ESD: variants seen among roughly 807,000 people sequenced by gnomAD.
ESD encodes esterase D, also known as S-formylglutathione hydrolase.
A neutral mutation model predicts 38.1 loss-of-function variants in ESD; 34 were observed. The ratio of observed to expected loss-of-function variants is 0.89; its 90% CI spans 0.68 to 1.19. The LOEUF (loss-of-function observed/expected upper bound fraction) is 1.19. Among genes scored for constraint, ESD ranks in the 50% most tolerant of loss-of-function variants. The probability of loss-of-function intolerance (pLI) is 0.00; values close to 1 mark genes in which losing one functional copy is unlikely to be tolerated. For synonymous variants in ESD, 97 were observed against 107.0 expected, an observed-to-expected ratio of 0.91 and a Z score of 0.58; for missense variants, 334 against 327.2, an observed-to-expected ratio of 1.02 and a Z score of -0.16.
At chr13:46,779,206 A>C (rs1331480504) in intron 8 of ESD, among the ~76,000 whole-genome samples, 1 of 151,730 alleles carries the variant, frequency 6.6e-6, no homozygotes. Context: ...TATTCACATA[A>C]ATGTACATAA....
chr13:46,796,287 T>C (rs1875572691), intron 1 of ESD, among the ~76,000 whole-genome samples: 1 of 152,202 alleles, frequency 6.6e-6, no homozygotes. Context: ...TATTACTACA[T>C]GACACTGGGC....
chr13:46,775,343 A>G (rs1397834532), intron 9 of ESD: 1 of 182,654 alleles, frequency 5.5e-6, no homozygotes, highest in Non-Finnish European at 1.2e-5. Flanking sequence ...TAACACCATT[A>G]AAAAGAGGTA....
chr13:46,783,059 T>C (rs1875065845), intron 5 of ESD, among the ~76,000 whole-genome samples: 1 of 151,946 alleles, frequency 6.6e-6, no homozygotes, highest in Non-Finnish European at 1.5e-5. Context: ...ACACTAACTT[T>C]CTTTGTTGAT....
chr13:46,791,132 G>T (rs1875381500), intron 3 of ESD, among the ~76,000 whole-genome samples: 1 of 152,120 alleles, frequency 6.6e-6, no homozygotes, highest in Non-Finnish European at 1.5e-5. Context: ...GTCAAAGCTT[G>T]AAGATACTTC....
chr13:46,780,015 G>A lies in ESD; in HGVS notation c.520C>T (p.Pro174Ser). The A allele has an allele frequency of 6.3e-7, 1 of 1,594,990 alleles. No homozygotes were observed. Among genetic ancestry groups the A allele is most frequent in the Non-Finnish European group, 8.6e-7 (1 of 1,169,382 alleles). ...GKYKSVSAFA[P>S]ICNPVLCPWG... is the part of the protein sequence containing the mutation. ...GGACAGAGTACAGGGTTGCAAATTG[G>A]AGCAAATGCTGACACAGACTTCAGA... is the stretch of plus-strand genomic sequence containing the variant. The change falls in exon 8 of 10, where the codon CCA becomes TCA. Residue 174 changes from proline to serine, a missense_variant. Physicochemically the swap from Pro to Ser is moderately conservative, Grantham distance 74. Transcript: ENST00000378720.
chr13:46,794,784 T>C (rs527651190), intron 1 of ESD, among the ~76,000 whole-genome samples: 1 of 152,264 alleles, frequency 6.6e-6, no homozygotes, highest in South Asian at 2.1e-4. Context: ...CACTGTGTTG[T>C]TCAAATCCTC....
At chr13:46,772,388 C>T (rs77294914) in intron 9 of ESD, among the ~76,000 whole-genome samples, 1 of 151,088 alleles carries the variant, frequency 6.6e-6, no homozygotes, top group Admixed American at 6.6e-5. Context: ...AATAGTCTTC[C>T]AAAAAAAAAA....
intron 5 of ESD, 106 bp downstream of exon 5, chr13:46,784,146 A>G (rs1281877349): frequency 1.2e-6 from 1 of 858,756 alleles, no homozygotes; most frequent in East Asian, 2.7e-5. Context: ...AATAGAGATA[A>G]CAGCAAAAAT....
Position 46,771,292 on chromosome 13 carries a change from T to A in ESD, c.*124A>T. ...TCTTTATTCAGAGGTGATTCAACTA[T>A]AGAATAAAGCCCTTTTAGCACTATA... On this transcript the variant is annotated 3_prime_UTR_variant, in exon 10 of 10. Transcript: ENST00000378720. The A allele has an allele frequency of 1.7e-6, 1 of 592,598 alleles. No homozygotes were observed. Among genetic ancestry groups the A allele is most frequent in the East Asian group, 2.8e-5 (1 of 35,686 alleles). 36.7% of individuals were successfully genotyped at this position (592,598 alleles called of 1,614,324 possible). A position where few individuals can be genotyped will look rare whatever the true frequency, so the allele number is the denominator to read the frequency against.
At position 46,794,655 on chromosome 13, in the gene ESD, A is replaced by T. The variant is rs186515402; in HGVS notation, c.-55-1211T>A. 1.1e-3 allele frequency among the ~76,000 whole-genome samples: 162 copies of T among 152,182 alleles called. 1 individual carries two copies. Among genetic ancestry groups the T allele is most frequent in the African/African-American group, 3.9e-3 (161 of 41,524 alleles). ...TGTTTTTTTGTTCCCATTCTCTCAG[A>T]TTCCTTGGATTTTGATGTTTCTTCA... On this transcript the variant is annotated intron_variant, in intron 1 of 9. Coordinates refer to ENST00000378720, the MANE Select transcript of ESD (RefSeq NM_001984.2).
rs770740917 is a variant in ESD at position 46,781,644 on chromosome 13, G to T, written c.382-29C>A. On this transcript the variant is annotated intron_variant, in intron 6 of 9. Transcript: ENST00000378720. Reference sequence around the variant, plus strand: ...GAAAAAATTTAATAGTGTGACAAAAGATATCAAAGAAAATAAGTTCAGACA... The same window carrying T: ...GAAAAAATTTAATAGTGTGACAAAATATATCAAAGAAAATAAGTTCAGACA... 99 of 1,582,584 alleles carry T rather than the reference G, an allele frequency of 6.3e-5. 8 individuals carry two copies. The South Asian group carries it at 1.1e-3, about 18-fold the overall frequency.
At chr13:46,778,844 C>A (rs1216955) in intron 8 of ESD, among the ~76,000 whole-genome samples, 30,528 of 151,612 alleles carry the variant, frequency 0.2, 4,503 homozygotes, top group East Asian at 0.4. Flanking sequence ...AAAGGATGAA[C>A]CCTTTAATTA....
chr13:46,777,023 A>T (rs1426304282), intron 9 of ESD: 2 of 152,518 alleles, frequency 1.3e-5, no homozygotes, highest in African/African-American at 4.8e-5. Context: ...TTAATATGAA[A>T]GTCAAATAAT....
chr13:46,779,949 G>C lies in ESD; in HGVS notation c.586C>G (p.Gln196Glu). 2 of 1,604,252 alleles carry C rather than the reference G, an allele frequency of 1.2e-6. No individual in the cohort carries two copies. Among genetic ancestry groups the C allele is most frequent in the South Asian group, 1.1e-5 (1 of 90,610 alleles). ...KAFSGYLGTD[Q>E]SKWKAYDATH... Reference sequence around the variant, plus strand: ...TCAGTACCTACCTTCCATTTACTTTGATCTGTTCCCAAATATCCACTAAAG... The same window carrying C: ...TCAGTACCTACCTTCCATTTACTTTCATCTGTTCCCAAATATCCACTAAAG... The change falls in exon 8 of 10, where the codon CAA becomes GAA. Residue 196 changes from glutamine to glutamate, a missense_variant. Gln to Glu is a conservative substitution (Grantham distance 29). Coordinates refer to ENST00000378720, the MANE Select transcript of ESD (RefSeq NM_001984.2).
chr13:46,772,154 TTATG>T (rs1459827521), intron 9 of ESD, among the ~76,000 whole-genome samples: 1 of 152,212 alleles, frequency 6.6e-6, no homozygotes, highest in African/African-American at 2.4e-5. Flanking sequence ...TGTTGTATCT[TTATG>T]TGAGGGGAAA....
intron 9 of ESD, 53 bp downstream of exon 9, chr13:46,777,403 T>G: frequency 7.5e-7 from 1 of 1,336,330 alleles, no homozygotes. Flanking sequence ...CACAGAATCC[T>G]AATTTTTCAT....
chr13:46,780,048 G>T lies in ESD; in HGVS notation c.502-15C>A. ...GCTGACACAGACTTCAGAAACAAAA[G>T]AAATTTAAAAACAAGTTATATTTTG... is the stretch of plus-strand genomic sequence containing the variant. On this transcript the variant is annotated splice_polypyrimidine_tract_variant and intron_variant, in intron 7 of 9. Coordinates refer to ENST00000378720, the MANE Select transcript of ESD (RefSeq NM_001984.2). 1 of 1,545,870 alleles carries T rather than the reference G, an allele frequency of 6.5e-7. No individual in the cohort carries two copies. The highest frequency in any genetic ancestry group is 8.8e-7 in the Non-Finnish European group (1 of 1,137,952).
At chr13:46,796,725 G>A (rs1299415269) in intron 1 of ESD, among the ~76,000 whole-genome samples, 3 of 152,226 alleles carry the variant, frequency 2.0e-5, no homozygotes, top group Admixed American at 6.5e-5. Context: ...AACGCGTTGA[G>A]GCCAGCTCCC....
In ESD at chr13:46,777,744, T is replaced by C. The variant is rs1874856716; in HGVS notation, c.601-121A>G. The C allele has an allele frequency of 8.3e-6, 6 of 721,684 alleles. No homozygotes were observed. In the East Asian group the frequency reaches 9.0e-5, roughly 11 times the overall value. 44.7% of individuals were successfully genotyped at this position (721,684 alleles called of 1,614,324 possible). A position where few individuals can be genotyped will look rare whatever the true frequency, so the allele number is the denominator to read the frequency against. On this transcript the variant is annotated intron_variant, in intron 8 of 9. Coordinates refer to ENST00000378720, the MANE Select transcript of ESD (RefSeq NM_001984.2). ...TCTTAGGCTGATTAAATCAGAAATA[T>C]GCTTTTAAGTTGGTTCAAAATCTGA... is the stretch of plus-strand genomic sequence containing the variant.
Sources: gnomAD v4.1 joint callset for allele counts (sites outside exome capture counted in the v4.1 genomes callset) on GRCh38, gnomAD v4.1.1 for gene constraint, MANE v1.5 for transcripts, NCBI Gene and HGNC (gene_info 2026-07-23, HGNC 2026-07-21) for gene names.